Variants in KIF13B observed in about 807,000 individuals in gnomAD.
The protein encoded by KIF13B is kinesin-like protein KIF13B.
Under a neutral mutation model 222.0 loss-of-function variants are expected in KIF13B, and 127 were observed. The observed-to-expected ratio is 0.57, with a 90% CI of 0.50 to 0.66. KIF13B has a LOEUF of 0.66. KIF13B is among the 30% of genes least tolerant of loss of function. KIF13B has a pLI of 0.00. For missense variants in KIF13B, 2,173 were observed against 2,379.0 expected, an observed-to-expected ratio of 0.91 and a Z score of 1.80; for synonymous variants, 976 against 919.0, an observed-to-expected ratio of 1.06 and a Z score of -1.12.
At chr8:29,077,423 T>C (rs1165108564) in intron 37 of KIF13B, among the ~76,000 whole-genome samples, 4 of 152,198 alleles carry the variant, frequency 2.6e-5, no homozygotes, top group South Asian at 4.1e-4. Context: ...TCCCCACAAA[T>C]GGGAAGGTGT....
chr8:29,159,453 A>G (rs1344159351), intron 13 of KIF13B, among the ~76,000 whole-genome samples: 1 of 152,166 alleles, frequency 6.6e-6, no homozygotes, highest in African/African-American at 2.4e-5. Flanking sequence ...CCCAGCCAAT[A>G]ATATATCATT....
intron 22 of KIF13B, among the ~76,000 whole-genome samples, chr8:29,132,702 G>C (rs897523923): frequency 6.6e-6 from 1 of 152,126 alleles, no homozygotes; most frequent in Non-Finnish European, 1.5e-5. Context: ...TGAAAGTCTA[G>C]TATGTAAGAC....
At chr8:29,108,796 C>G (rs114743312) in intron 34 of KIF13B, among the ~76,000 whole-genome samples, 12 of 152,292 alleles carry the variant, frequency 7.9e-5, no homozygotes, top group Admixed American at 2.6e-4. Context: ...TCTCACAATG[C>G]TTGTGCTGTA....
At chr8:29,255,828 T>C (rs994757699) in intron 1 of KIF13B, among the ~76,000 whole-genome samples, 2 of 152,176 alleles carry the variant, frequency 1.3e-5, no homozygotes, top group Admixed American at 1.3e-4. Flanking sequence ...CTGTGACATG[T>C]GATTGCTTTC....
intron 29 of KIF13B, among the ~76,000 whole-genome samples, chr8:29,122,070 T>C (rs540351255): frequency 1.6e-3 from 245 of 151,866 alleles, no homozygotes; most frequent in Middle Eastern, 3.4e-3. Context: ...CTGGCTAACA[T>C]GGTGAAACCC....
At chr8:29,169,926 G>T (rs993342326) in intron 10 of KIF13B, among the ~76,000 whole-genome samples, 26 of 152,234 alleles carry the variant, frequency 1.7e-4, no homozygotes, top group African/African-American at 6.0e-4. Flanking sequence ...AAGGGGATTT[G>T]TAACGATAAC....
intron 37 of KIF13B, among the ~76,000 whole-genome samples, chr8:29,086,622 G>A (rs1041783418): frequency 6.6e-6 from 1 of 152,200 alleles, no homozygotes. Context: ...TGACTTGCTT[G>A]GTTTCCATGT....
chr8:29,137,635 G>A (rs1810625997), intron 21 of KIF13B, among the ~76,000 whole-genome samples: 1 of 152,144 alleles, frequency 6.6e-6, no homozygotes, highest in Non-Finnish European at 1.5e-5. Flanking sequence ...TTTTCTACCA[G>A]TGTTCTATTT....
Position 29,122,578 on chromosome 8 carries a change from C to A in KIF13B, c.3535+13G>T, listed in dbSNP as rs1260867867. On this transcript the variant is annotated intron_variant, in intron 29 of 39. Coordinates refer to ENST00000524189, the MANE Select transcript of KIF13B (RefSeq NM_015254.4). ...TTCAGAGGTAAGCCTTCAGAAAACA[C>A]CTCCTAACTTACCATTTAAGTCCAG... The A allele has an allele frequency of 6.2e-7, 1 of 1,604,522 alleles. No individual in the cohort carries two copies. Among genetic ancestry groups the A allele is most frequent in the Non-Finnish European group, 8.5e-7 (1 of 1,174,452 alleles).
At chr8:29,186,253 T>C (rs1354158729) in intron 6 of KIF13B, 39 bp downstream of exon 6, 3 of 1,512,590 alleles carry the variant, frequency 2.0e-6, no homozygotes, top group Non-Finnish European at 2.7e-6. Context: ...TCTGTTTCAG[T>C]TCACAATGCT....
At chr8:29,128,773 C>T (rs1052467780) in intron 24 of KIF13B, among the ~76,000 whole-genome samples, 2 of 152,196 alleles carry the variant, frequency 1.3e-5, no homozygotes, top group African/African-American at 2.4e-5. Context: ...GACAGAACTT[C>T]CTGTCACTAC....
rs1004863626 is a variant in KIF13B at position 29,242,267 on chromosome 8, CA to C, written c.149+3078del. Reference sequence around the variant, plus strand: ...TCTCAAAAACAAACAACAACAACAACAAAAAACCCCAAACAAACAAAAAAGA... The same window carrying C: ...TCTCAAAAACAAACAACAACAACAACAAAAACCCCAAACAAACAAAAAAGA... On this transcript the variant is annotated intron_variant, in intron 2 of 39. Transcript: ENST00000524189. 2.6e-5 allele frequency among the ~76,000 whole-genome samples: 4 copies of C among 152,036 alleles called. No homozygotes were observed. The East Asian group carries it at 5.8e-4, about 22-fold the overall frequency.
At chr8:29,151,276 G>C (rs1811285552) in intron 14 of KIF13B, among the ~76,000 whole-genome samples, 2 of 152,168 alleles carry the variant, frequency 1.3e-5, no homozygotes, top group South Asian at 4.1e-4. Context: ...AGCTAGCAGA[G>C]GTCGGTTCAT....
chr8:29,176,448 G>A (rs946374559), intron 9 of KIF13B, among the ~76,000 whole-genome samples: 1 of 152,152 alleles, frequency 6.6e-6, no homozygotes, highest in Non-Finnish European at 1.5e-5. Flanking sequence ...CCAAAACCAT[G>A]TATCTTTAAG....
At chr8:29,174,715 A>G (rs1812404735) in intron 10 of KIF13B, among the ~76,000 whole-genome samples, 2 of 152,238 alleles carry the variant, frequency 1.3e-5, no homozygotes, top group Admixed American at 1.3e-4. Context: ...TGGCCAAAGG[A>G]AGTAATGGAC....
At chr8:29,154,208 T>C (rs901817298) in intron 14 of KIF13B, among the ~76,000 whole-genome samples, 2 of 152,166 alleles carry the variant, frequency 1.3e-5, no homozygotes, top group Admixed American at 6.5e-5. Context: ...TCCCAGCTAC[T>C]CAGCAGGACG....
At position 29,179,421 on chromosome 8, in the gene KIF13B, G is replaced by A. The variant is rs750340110; in HGVS notation, c.720+683C>T. ...TGTGAGGCACAGTGCCTGGGCAAGC[G>A]AGAGCATTACCATTGGCTCACGCAG... On this transcript the variant is annotated intron_variant, in intron 8 of 39. Coordinates refer to ENST00000524189, the MANE Select transcript of KIF13B (RefSeq NM_015254.4). Among the ~76,000 whole-genome samples the A allele has an allele frequency of 1.8e-4, 27 of 152,238 alleles. 1 individual carries two copies. The highest frequency in any genetic ancestry group is 4.4e-5 in the Non-Finnish European group (3 of 68,048).
chr8:29,125,747 G>A (rs1397672537), intron 26 of KIF13B, among the ~76,000 whole-genome samples: 12 of 143,464 alleles, frequency 8.4e-5, no homozygotes, highest in Admixed American at 1.4e-4. Context: ...GAAAACAAAG[G>A]AAAAAAAAAA....
In KIF13B at chr8:29,127,259, G is replaced by A. The variant is rs186826032; in HGVS notation, c.3085C>T (p.Arg1029Trp). Residue 1029 changes from arginine to tryptophan, a missense_variant, in exon 25 of 40, where the codon CGG becomes TGG. This residue lies in a region of KIF13B where 1,480 missense variants were observed against 1,722.8 expected (regional missense o/e 0.86). Coordinates refer to ENST00000524189, the MANE Select transcript of KIF13B (RefSeq NM_015254.4). ...GACTTCACTTCGACTTGAACTCTCC[G>A]GGACTGCCCCTGGGTCACAGACAAT... ...GIFQLRQGQS[R>W]RVQVEVKSVQ... 42 of 1,613,524 alleles carry A rather than the reference G, an allele frequency of 2.6e-5. No individual in the cohort carries two copies. Among genetic ancestry groups the A allele is most frequent in the East Asian group, 2.0e-4 (9 of 44,880 alleles).
Sources: allele counts gnomAD v4.1 joint callset (sites outside exome capture counted in the v4.1 genomes callset), GRCh38; gene constraint gnomAD v4.1.1; regional missense constraint gnomAD v4.1.1; transcripts MANE v1.5; gene names NCBI Gene and HGNC (gene_info 2026-07-23, HGNC 2026-07-21).